DAGLA: variants seen among roughly 807,000 people sequenced by gnomAD.
The protein encoded by DAGLA is diacylglycerol lipase alpha.
Under a neutral mutation model 102.6 loss-of-function variants are expected in DAGLA, and 22 were observed. The observed-to-expected ratio is 0.21, with a 90% confidence interval of 0.15 to 0.31. The LOEUF is 0.31. Ranked by LOEUF, DAGLA falls within the 10% of genes least tolerant of loss-of-function variation. The pLI is 1.00. For synonymous variants in DAGLA, 578 were observed against 628.9 expected, an observed-to-expected ratio of 0.92 and a Z score of 1.21; for missense variants, 927 against 1,446.6, an observed-to-expected ratio of 0.64 and a Z score of 5.83.
intron 1 of DAGLA, among the ~76,000 whole-genome samples, chr11:61,707,360 G>T (rs2065158260): frequency 2.0e-5 from 3 of 152,374 alleles, no homozygotes; most frequent in Admixed American, 6.5e-5. Context: ...GTGGGTCAGT[G>T]GCCTTGCTCA....
At chr11:61,685,364 A>G (rs1375710105) in intron 1 of DAGLA, among the ~76,000 whole-genome samples, 1 of 152,220 alleles carries the variant, frequency 6.6e-6, no homozygotes, top group African/African-American at 2.4e-5. Context: ...CGTGATCTGC[A>G]TATATTAGCA....
chr11:61,706,926 C>A (rs2065155329), intron 1 of DAGLA, among the ~76,000 whole-genome samples: 1 of 152,272 alleles, frequency 6.6e-6, no homozygotes, highest in African/African-American at 2.4e-5. Flanking sequence ...ATTAGCACTG[C>A]TGGTCTCTCT....
At position 61,720,101 on chromosome 11, in the gene DAGLA, C is replaced by T; in HGVS notation, c.-44-11C>T. 6.3e-7 allele frequency: 1 copy of T among 1,585,692 alleles called. No individual in the cohort carries two copies. Among genetic ancestry groups the T allele is most frequent in the Non-Finnish European group, 8.6e-7 (1 of 1,162,630 alleles). On this transcript the variant is annotated splice_polypyrimidine_tract_variant and intron_variant, in intron 1 of 19. Transcript: ENST00000257215. ...CCTCAGGCAGCTATAAGGTCCTCTGCTTTCTTTCAGGAGGTGAGCACCAGG... is the reference window on the plus strand; with the variant it reads ...CCTCAGGCAGCTATAAGGTCCTCTGTTTTCTTTCAGGAGGTGAGCACCAGG...
chr11:61,720,621 T>G, intron 2 of DAGLA, 58 bp from the exon 3 acceptor site: 1 of 1,531,934 alleles, frequency 6.5e-7, no homozygotes, highest in Non-Finnish European at 9.0e-7. Flanking sequence ...TGCCTGCTAG[T>G]AGCATCTCGA....
chr11:61,729,661 A>G (rs1180641199), intron 8 of DAGLA, among the ~76,000 whole-genome samples: 1 of 152,158 alleles, frequency 6.6e-6, no homozygotes, highest in Non-Finnish European at 1.5e-5. Flanking sequence ...GTGAAATGAC[A>G]CTAGGCACAC....
At chr11:61,735,360 C>T (rs751795501) in intron 10 of DAGLA, among the ~76,000 whole-genome samples, 40 of 152,052 alleles carry the variant, frequency 2.6e-4, no homozygotes, top group Admixed American at 6.5e-4. Context: ...CAGCAAGGAG[C>T]GGGGAGGGCA....
At chr11:61,711,460 C>G (rs946591297) in intron 1 of DAGLA, among the ~76,000 whole-genome samples, 50 of 152,218 alleles carry the variant, frequency 3.3e-4, no homozygotes, top group African/African-American at 1.2e-3. Flanking sequence ...TGTCGGAGCA[C>G]AGGACTGAGT....
rs536329515 is a variant in DAGLA, at chr11:61,744,637, C to T, written c.*148C>T. ...AGGCATCGCTGCTGAGCTGGGGGTCCGCATCCCTACCTCAGCTTAGGACCC... is the reference window on the plus strand; with the variant it reads ...AGGCATCGCTGCTGAGCTGGGGGTCTGCATCCCTACCTCAGCTTAGGACCC... On this transcript the variant is annotated 3_prime_UTR_variant, in exon 20 of 20. Transcript: ENST00000257215. 180 of 648,228 alleles carry T rather than the reference C, an allele frequency of 2.8e-4. No homozygotes were observed. Among genetic ancestry groups the T allele is most frequent in the African/African-American group, 2.6e-3 (140 of 54,882 alleles). The allele number at this position is 648,228 out of a possible 1,614,324, so 40.2% of individuals were successfully genotyped here. A position where few individuals can be genotyped will look rare whatever the true frequency, so the allele number is the denominator to read the frequency against.
intron 19 of DAGLA, among the ~76,000 whole-genome samples, 160 bp from the exon 20 acceptor site, chr11:61,743,362 CAAAAAAAAAA>C (rs374336921): frequency 3.8e-5 from 2 of 51,964 alleles, no homozygotes; most frequent in Non-Finnish European, 8.4e-5. Flanking sequence ...GACTCTGTCT[CAAAAAAAAAA>C]AAAAAAAAAG....
At chr11:61,715,200 A>G (rs1168282701) in intron 1 of DAGLA, among the ~76,000 whole-genome samples, 2 of 152,176 alleles carry the variant, frequency 1.3e-5, no homozygotes, top group African/African-American at 4.8e-5. Flanking sequence ...ACCCTGTGTT[A>G]CTGCTGTGAG....
intron 15 of DAGLA, 109 bp downstream of exon 15, chr11:61,737,864 C>A: frequency 9.9e-7 from 1 of 1,006,798 alleles, no homozygotes; most frequent in Non-Finnish European, 1.5e-6. Flanking sequence ...TCCTGTCTCT[C>A]AAGGGACCCC....
intron 13 of DAGLA, 56 bp downstream of exon 13, chr11:61,736,406 C>A: frequency 2.1e-6 from 3 of 1,401,298 alleles, no homozygotes; most frequent in Non-Finnish European, 3.0e-6. Flanking sequence ...CCTCCTCCAA[C>A]GCAGCACAGA....
intron 1 of DAGLA, among the ~76,000 whole-genome samples, chr11:61,702,573 A>G (rs1395935958): frequency 6.6e-6 from 1 of 152,230 alleles, no homozygotes; most frequent in African/African-American, 2.4e-5. Context: ...GTCTCTTAGA[A>G]GAGAAGTCAT....
intron 1 of DAGLA, among the ~76,000 whole-genome samples, chr11:61,702,452 G>A (rs917475005): frequency 6.6e-6 from 1 of 152,342 alleles, no homozygotes; most frequent in South Asian, 2.1e-4. Flanking sequence ...TCCTGAGCCA[G>A]AGGCTGCAGA....
intron 1 of DAGLA, among the ~76,000 whole-genome samples, chr11:61,701,301 G>C (rs1196334123): frequency 6.6e-6 from 1 of 152,242 alleles, no homozygotes; most frequent in Non-Finnish European, 1.5e-5. Flanking sequence ...CAGAAGAGCA[G>C]AGAGGAGGCT....
chr11:61,687,677 C>T (rs757689582), intron 1 of DAGLA, among the ~76,000 whole-genome samples: 2 of 152,324 alleles, frequency 1.3e-5, no homozygotes, highest in South Asian at 2.1e-4. Flanking sequence ...ATAGCGCTGG[C>T]GCCCCTCAGA....
chr11:61,739,848 T>C (rs1282491711), intron 17 of DAGLA, among the ~76,000 whole-genome samples, 187 bp downstream of exon 17: 1 of 152,218 alleles, frequency 6.6e-6, no homozygotes, highest in African/African-American at 2.4e-5. Flanking sequence ...AGGCCAGCCC[T>C]GAGCAGGACT....
intron 16 of DAGLA, among the ~76,000 whole-genome samples, chr11:61,739,183 G>A (rs2065453022): frequency 6.6e-6 from 1 of 152,178 alleles, no homozygotes; most frequent in Middle Eastern, 3.2e-3. Context: ...CTAGATGAGG[G>A]GTTGGCTGGG....
At chr11:61,740,729 G>C in intron 18 of DAGLA, 137 bp downstream of exon 18, 1 of 1,172,056 alleles carries the variant, frequency 8.5e-7, no homozygotes, top group Non-Finnish European at 1.2e-6. Flanking sequence ...AGCTGGGCCA[G>C]AAAGCCCCAC....
Sources: allele counts gnomAD v4.1 joint callset (sites outside exome capture counted in the v4.1 genomes callset), GRCh38; gene constraint gnomAD v4.1.1; transcripts MANE v1.5; gene names NCBI Gene and HGNC (gene_info 2026-07-23, HGNC 2026-07-21).